Variants in LRFN2 observed in about 807,000 individuals in gnomAD.
LRFN2 encodes leucine rich repeat and fibronectin type III domain containing 2.
In LRFN2, 18 loss-of-function variants were observed where a neutral mutation model predicts 37.3. The ratio of observed to expected loss-of-function variants is 0.48; its 90% CI spans 0.33 to 0.72. LRFN2 has a LOEUF of 0.72. Among genes scored for constraint, LRFN2 ranks in the 30% least tolerant of loss-of-function variants. The pLI is 0.02. For missense variants in LRFN2, 1,006 were observed against 1,060.7 expected (o/e 0.95, Z 0.72); for synonymous variants, 556 against 466.6 (o/e 1.19, Z -2.47).
At chr6:40,514,475 C>G (rs547880052) in intron 1 of LRFN2, among the ~76,000 whole-genome samples, 74 of 152,188 alleles carry the variant, frequency 4.9e-4, no homozygotes, top group African/African-American at 1.8e-3. Context: ...CCACCACACC[C>G]AGCTAATTTT....
chr6:40,392,477 G>A lies in LRFN2; in HGVS notation c.1836C>T (p.Thr612=), dbSNP rs773351517. The A allele has an allele frequency of 3.2e-6, 5 of 1,571,838 alleles. No individual in the cohort carries two copies. Among genetic ancestry groups the A allele is most frequent in the African/African-American group, 1.4e-5 (1 of 73,780 alleles). Residue 612 remains threonine, a synonymous_variant, in exon 3 of 3, where the codon ACC becomes ACT. Transcript: ENST00000338305. This position sits in a 1 kb window ranked among gnomAD's most constrained non-coding sequence, Gnocchi z 4.7. ...VVVRNELLDF[T]ASLARASDSS... ...AGTCACTGGCGCGGGCCAGGCTGGC[G>A]GTGAAGTCCAGGAGCTCGTTGCGCA...
intron 1 of LRFN2, among the ~76,000 whole-genome samples, chr6:40,558,122 G>A (rs1296392022): frequency 6.6e-6 from 1 of 152,124 alleles, no homozygotes; most frequent in Non-Finnish European, 1.5e-5. Flanking sequence ...ACTGATGGGT[G>A]GAGTCTGGCT....
chr6:40,505,343 T>C (rs1398052332), intron 1 of LRFN2, among the ~76,000 whole-genome samples: 2 of 152,200 alleles, frequency 1.3e-5, no homozygotes, highest in Non-Finnish European at 2.9e-5. Context: ...ATTTTCACGT[T>C]ATATCCTAAT....
intron 1 of LRFN2, among the ~76,000 whole-genome samples, chr6:40,493,165 C>T (rs1307722677): frequency 1.3e-5 from 2 of 152,094 alleles, no homozygotes; most frequent in Non-Finnish European, 2.9e-5. Flanking sequence ...TGCACTGAGA[C>T]CCGAGCCAAG....
chr6:40,490,909 T>C (rs1161154139), intron 1 of LRFN2, among the ~76,000 whole-genome samples: 1 of 152,186 alleles, frequency 6.6e-6, no homozygotes, highest in Non-Finnish European at 1.5e-5. Context: ...CTTTGAGTGA[T>C]GCCTCACATC....
chr6:40,424,132 CA>C, intron 2 of LRFN2, among the ~76,000 whole-genome samples: 1 of 152,298 alleles, frequency 6.6e-6, no homozygotes, highest in South Asian at 2.1e-4. Flanking sequence ...ACATGTAAAC[CA>C]GAAATCCTCA....
intron 1 of LRFN2, among the ~76,000 whole-genome samples, chr6:40,443,216 G>T (rs1409525649): frequency 6.6e-6 from 1 of 152,074 alleles, no homozygotes; most frequent in Non-Finnish European, 1.5e-5. Flanking sequence ...GGCCAACCTG[G>T]ACTTATAGGA....
chr6:40,393,009 G>T (rs778252225), intron 2 of LRFN2, 97 bp from the exon 3 acceptor site: 30 of 1,066,008 alleles, frequency 2.8e-5, no homozygotes, highest in Non-Finnish European at 3.6e-5. Flanking sequence ...GACAGAGATG[G>T]GGAGGGGGAG....
chr6:40,398,375 A>G (rs781645334), intron 2 of LRFN2, among the ~76,000 whole-genome samples: 10 of 151,850 alleles, frequency 6.6e-5, no homozygotes, highest in Non-Finnish European at 1.3e-4. Context: ...CACCGGACAA[A>G]GAAGTAGCCG....
chr6:40,393,004 A>C (rs1762546473), intron 2 of LRFN2, 92 bp from the exon 3 acceptor site: 2 of 695,742 alleles, frequency 2.9e-6, no homozygotes, highest in East Asian at 4.5e-5. Flanking sequence ...AGAGTGACAG[A>C]GATGGGGAGG....
At chr6:40,469,120 G>C (rs982371117) in intron 1 of LRFN2, among the ~76,000 whole-genome samples, 1 of 152,170 alleles carries the variant, frequency 6.6e-6, no homozygotes, top group South Asian at 2.1e-4. Flanking sequence ...AGGCACAGGA[G>C]GGGAAGACAC....
chr6:40,555,883 T>C (rs1441401923), intron 1 of LRFN2, among the ~76,000 whole-genome samples: 1 of 152,182 alleles, frequency 6.6e-6, no homozygotes, highest in African/African-American at 2.4e-5. Flanking sequence ...GTCCATATAA[T>C]TTCTTATCTG....
intron 1 of LRFN2, among the ~76,000 whole-genome samples, chr6:40,555,978 T>C (rs1157150976): frequency 7.4e-6 from 1 of 134,452 alleles, no homozygotes; most frequent in South Asian, 2.5e-4. Flanking sequence ...AGAGGCGTAA[T>C]GAAGATCAGA....
chr6:40,515,653 C>G (rs1300919951), intron 1 of LRFN2, among the ~76,000 whole-genome samples: 2 of 152,144 alleles, frequency 1.3e-5, no homozygotes, highest in Non-Finnish European at 2.9e-5. Context: ...CTTTGGGAGG[C>G]CAAGGCGGGC....
At chr6:40,471,634 T>A (rs1764597604) in intron 1 of LRFN2, among the ~76,000 whole-genome samples, 1 of 152,204 alleles carries the variant, frequency 6.6e-6, no homozygotes, top group South Asian at 2.1e-4. Context: ...ACAATGGCAG[T>A]GCTGCCTTCA....
chr6:40,412,881 G>T (rs1763003511), intron 2 of LRFN2, among the ~76,000 whole-genome samples: 1 of 152,204 alleles, frequency 6.6e-6, no homozygotes, highest in Non-Finnish European at 1.5e-5. Flanking sequence ...GAGAGAAAAA[G>T]AAAGTGCTGA....
At chr6:40,575,336 A>T (rs1349619740) in intron 1 of LRFN2, among the ~76,000 whole-genome samples, 1 of 150,206 alleles carries the variant, frequency 6.7e-6, no homozygotes, top group African/African-American at 2.4e-5. Context: ...TGCCTCTTAA[A>T]CAAAGGGCAA....
At chr6:40,514,353 C>T (rs770572094) in intron 1 of LRFN2, among the ~76,000 whole-genome samples, 5 of 152,046 alleles carry the variant, frequency 3.3e-5, no homozygotes, top group Admixed American at 1.3e-4. Context: ...CTTGCTCTGT[C>T]GCCCAGGCTG....
intron 1 of LRFN2, among the ~76,000 whole-genome samples, chr6:40,465,888 G>A (rs567589756): frequency 6.6e-6 from 1 of 152,306 alleles, no homozygotes; most frequent in South Asian, 2.1e-4. Flanking sequence ...AGTTCCTGGA[G>A]GGGAAGGGAG....
Sources: allele counts gnomAD v4.1 joint callset (sites outside exome capture counted in the v4.1 genomes callset), GRCh38; gene constraint gnomAD v4.1.1; non-coding constraint Gnocchi (gnomAD v3.1); transcripts MANE v1.5; gene names NCBI Gene and HGNC (gene_info 2026-07-23, HGNC 2026-07-21).